Variants in ATAD2B observed in about 807,000 individuals in gnomAD.
ATAD2B encodes the protein ATPase family AAA domain containing 2B, also known as ATPase family AAA domain-containing protein 2B.
In ATAD2B, 40 loss-of-function variants were observed where a neutral mutation model predicts 167.6. The ratio of observed to expected loss-of-function variants is 0.24; its 90% CI spans 0.19 to 0.31. The LOEUF is 0.31. Ranked by LOEUF, ATAD2B falls within the 10% of genes least tolerant of loss-of-function variation. The pLI, the probability that ATAD2B is intolerant of heterozygous loss-of-function variation, is 1.00. For missense variants in ATAD2B, 1,242 were observed against 1,757.2 expected (o/e 0.71, Z 5.24); for synonymous variants, 579 against 596.5 (o/e 0.97, Z 0.43).
chr2:23,696,069 G>A, the ATAD2B span: 31 of 1,551,686 alleles, frequency 2.0e-5, no homozygotes, highest in Middle Eastern at 3.3e-4. This position sits in a 1 kb window ranked among gnomAD's most constrained non-coding sequence, Gnocchi z 5.5. Context: ...CCTTGGCCTC[G>A]CTGCCCTTCT....
At chr2:23,680,514 C>G in the ATAD2B span, among the ~76,000 whole-genome samples, 1 of 152,320 alleles carries the variant, frequency 6.6e-6, no homozygotes, top group African/African-American at 2.4e-5. This position sits in a 1 kb window ranked among gnomAD's most constrained non-coding sequence, Gnocchi z 4.1. Flanking sequence ...CTGGGGCCGA[C>G]CAACAGGGAC....
chr2:23,918,123 T>C lies in ATAD2B; in HGVS notation c.216+8432A>G, dbSNP rs905646220. 1.4e-4 allele frequency among the ~76,000 whole-genome samples: 20 copies of C among 144,722 alleles called. No homozygotes were observed. In the South Asian group the frequency reaches 1.9e-3, roughly 14 times the overall value. The allele number at this position is 144,722 out of a possible 152,430, so 94.9% of individuals were successfully genotyped here. On this transcript the variant is annotated intron_variant, in intron 1 of 27. Coordinates refer to ENST00000238789, the MANE Select transcript of ATAD2B (RefSeq NM_017552.4). ...AGCTCACTCCTGTAATCCCACACTT[T>C]AGGAAGCCAAGGCAGGAAGATTTCT... is the stretch of plus-strand genomic sequence containing the variant.
chr2:23,911,017 G>A (rs571774373), intron 1 of ATAD2B, among the ~76,000 whole-genome samples: 3 of 141,492 alleles, frequency 2.1e-5, no homozygotes, highest in Admixed American at 7.0e-5. Flanking sequence ...ACCTGAAGTC[G>A]GGAGTTCGAG....
At chr2:23,684,225 G>T in the ATAD2B span, among the ~76,000 whole-genome samples, 1 of 151,732 alleles carries the variant, frequency 6.6e-6, no homozygotes, top group Non-Finnish European at 1.5e-5. This position sits in a 1 kb window ranked among gnomAD's most constrained non-coding sequence, Gnocchi z 4.4. Flanking sequence ...GCTTGTTTAT[G>T]CATTATGTTT....
chr2:23,854,615 T>A (rs1407279165), intron 13 of ATAD2B, among the ~76,000 whole-genome samples: 1 of 151,244 alleles, frequency 6.6e-6, no homozygotes, highest in African/African-American at 2.4e-5. Context: ...CAGGCGGCGG[T>A]TGCAGTGAGC....
Position 23,782,858 on chromosome 2 carries a change from T to A in ATAD2B, c.3133+11A>T. 6.2e-7 allele frequency: 1 copy of A among 1,603,164 alleles called. No homozygotes were observed. Among genetic ancestry groups the A allele is most frequent in the Non-Finnish European group, 8.5e-7 (1 of 1,174,106 alleles). On this transcript the variant is annotated intron_variant, in intron 22 of 27. Transcript: ENST00000238789. ...GATTATCAAGGGGAACCTTGCCCTA[T>A]GCATCCTTACCTCCTGGGTCCTTAT... is the stretch of plus-strand genomic sequence containing the variant.
intron 19 of ATAD2B, among the ~76,000 whole-genome samples, chr2:23,797,647 C>G (rs966656454): frequency 6.6e-6 from 1 of 152,004 alleles, no homozygotes; most frequent in African/African-American, 2.4e-5. Flanking sequence ...ATATATATAA[C>G]GAGATTATCT....
At chr2:23,704,053 C>T in the ATAD2B span, among the ~76,000 whole-genome samples, 324 of 152,334 alleles carry the variant, frequency 2.1e-3, 1 homozygote, top group Non-Finnish European at 3.6e-3. Flanking sequence ...AGCCTCTGGT[C>T]CAGGAGCCCA....
intron 1 of ATAD2B, among the ~76,000 whole-genome samples, chr2:23,922,514 G>A (rs1284969442): frequency 6.6e-6 from 1 of 151,656 alleles, no homozygotes; most frequent in Non-Finnish European, 1.5e-5. Flanking sequence ...TAAAAGTGAG[G>A]GCACAAAGGC....
At chr2:23,709,243 T>A in the ATAD2B span, among the ~76,000 whole-genome samples, 1 of 152,114 alleles carries the variant, frequency 6.6e-6, no homozygotes, top group African/African-American at 2.4e-5. Context: ...GGTTTTTCCA[T>A]GTTGGTCAGG....
chr2:23,808,344 C>CAGAG (rs2149524395), intron 18 of ATAD2B, among the ~76,000 whole-genome samples: 1 of 150,830 alleles, frequency 6.6e-6, no homozygotes, highest in East Asian at 1.9e-4. Flanking sequence ...CTATGAAAGG[C>CAGAG]AGAGAGCATT....
the ATAD2B span, among the ~76,000 whole-genome samples, chr2:23,699,965 T>G: frequency 6.6e-6 from 1 of 152,220 alleles, no homozygotes; most frequent in Non-Finnish European, 1.5e-5. Context: ...GAGCCATCAG[T>G]CAAGAACTTG....
At chr2:23,833,492 TAA>T (rs772003102) in intron 14 of ATAD2B, among the ~76,000 whole-genome samples, 1 of 152,240 alleles carries the variant, frequency 6.6e-6, no homozygotes, top group Non-Finnish European at 1.5e-5. Context: ...CCATAATGAA[TAA>T]AGTTTGTTGC....
Position 23,863,561 on chromosome 2 carries a change from A to G in ATAD2B, c.1305-6T>C. Reference sequence around the variant, plus strand: ...GGCCATAAAACAAACAGCCCCTAGAAGAATAAAAAAATCAAGAAGTGTAAA... The same window carrying G: ...GGCCATAAAACAAACAGCCCCTAGAGGAATAAAAAAATCAAGAAGTGTAAA... On this transcript the variant is annotated splice_region_variant and splice_polypyrimidine_tract_variant and intron_variant, in intron 11 of 27. Transcript: ENST00000238789. 1 of 1,541,512 alleles carries G rather than the reference A, an allele frequency of 6.5e-7. No individual in the cohort carries two copies. The highest frequency in any genetic ancestry group is 1.2e-5 in the South Asian group (1 of 80,418).
chr2:23,684,894 G>T, the ATAD2B span, among the ~76,000 whole-genome samples: 1 of 152,092 alleles, frequency 6.6e-6, no homozygotes, highest in Non-Finnish European at 1.5e-5. This position sits in a 1 kb window ranked among gnomAD's most constrained non-coding sequence, Gnocchi z 4.4. Context: ...CATTTTAAGG[G>T]ATCACTACAC....
intron 19 of ATAD2B, 64 bp from the exon 20 acceptor site, chr2:23,788,711 C>G: frequency 2.3e-6 from 3 of 1,313,188 alleles, no homozygotes; most frequent in Non-Finnish European, 3.1e-6. Flanking sequence ...ACATATCATA[C>G]CAAATTGCAA....
At chr2:23,804,001 TAGG>T (rs1683928611) in intron 18 of ATAD2B, among the ~76,000 whole-genome samples, 1 of 152,120 alleles carries the variant, frequency 6.6e-6, no homozygotes, top group South Asian at 2.1e-4. Flanking sequence ...CCTCTGAGTA[TAGG>T]AGGACTAGCT....
intron 22 of ATAD2B, among the ~76,000 whole-genome samples, chr2:23,777,655 G>A (rs1029905053): frequency 1.7e-4 from 26 of 152,148 alleles, no homozygotes; most frequent in African/African-American, 5.8e-4. Context: ...AAAACATTAG[G>A]GCGAAAATTT....
intron 22 of ATAD2B, among the ~76,000 whole-genome samples, chr2:23,779,551 T>C (rs990299757): frequency 7.2e-5 from 11 of 152,162 alleles, no homozygotes; most frequent in Non-Finnish European, 1.5e-5. Flanking sequence ...AGATATATAT[T>C]CTTTGATCCA....
Sources: allele counts gnomAD v4.1 joint callset (sites outside exome capture counted in the v4.1 genomes callset), GRCh38; gene constraint gnomAD v4.1.1; non-coding constraint Gnocchi (gnomAD v3.1); transcripts MANE v1.5; gene names NCBI Gene and HGNC (gene_info 2026-07-23, HGNC 2026-07-21).